CADPS: variants seen among roughly 807,000 people sequenced by gnomAD.
CADPS encodes calcium-dependent secretion activator 1.
Under a neutral mutation model 167.3 loss-of-function variants are expected in CADPS, and 57 were observed. The observed-to-expected ratio is 0.34, with a 90% CI of 0.28 to 0.42. The LOEUF is 0.42. Ranked by LOEUF, CADPS falls within the 20% of genes least tolerant of loss-of-function variation. The probability of loss-of-function intolerance (pLI) is 1.00; values close to 1 mark genes in which losing one functional copy is unlikely to be tolerated. For synonymous variants in CADPS, 676 were observed against 635.3 expected, an observed-to-expected ratio of 1.06 and a Z score of -0.96; for missense variants, 1,414 against 1,738.1, an observed-to-expected ratio of 0.81 and a Z score of 3.32.
At position 62,645,781 on chromosome 3, in the gene CADPS, T is replaced by C; in HGVS notation, c.1266A>G (p.Thr422=). The stretch of plus-strand genomic sequence containing the variant: ...GTTTCTCTCCTCCTTCCACCTCCAT[T>C]GTGCAATATACGATGCGATTTGGAG... ...SLAPNRIVYC[T]MEVEGGEKLQ... is the part of the protein sequence containing the mutation. The change falls in exon 6 of 30, where the codon ACA becomes ACG. Residue 422 remains threonine (T), a synonymous_variant. Transcript: ENST00000383710. 1 of 1,614,042 alleles carries C rather than the reference T, an allele frequency of 6.2e-7. No homozygotes were observed. The highest frequency in any genetic ancestry group is 8.5e-7 in the Non-Finnish European group (1 of 1,179,932).
At chr3:62,702,086 T>C (rs2081504576) in intron 3 of CADPS, among the ~76,000 whole-genome samples, 1 of 152,136 alleles carries the variant, frequency 6.6e-6, no homozygotes, top group South Asian at 2.1e-4. Flanking sequence ...TCAGTAATGC[T>C]ACCATATCCT....
rs189137880 is a variant in CADPS at position 62,784,787 on chromosome 3, A to T, written c.442-18803T>A. Among the ~76,000 whole-genome samples the T allele has an allele frequency of 2.2e-4, 34 of 151,936 alleles. 1 individual carries two copies. The South Asian group carries it at 6.4e-3, about 29-fold the overall frequency. ...AAAAAAAAAAAATAGGGAGAGAGAA[A>T]TTCTATAGATTAAAAGATACACAAG... On this transcript the variant is annotated intron_variant, in intron 1 of 29. Coordinates refer to ENST00000383710, the MANE Select transcript of CADPS (RefSeq NM_003716.4).
At chr3:62,473,411 T>C (rs1576508147) in intron 24 of CADPS, among the ~76,000 whole-genome samples, 1 of 152,212 alleles carries the variant, frequency 6.6e-6, no homozygotes, top group African/African-American at 2.4e-5. Context: ...TATCGAAAGA[T>C]CTGATTTAGG....
chr3:62,501,601 G>A (rs938257271), intron 17 of CADPS, among the ~76,000 whole-genome samples: 10 of 152,066 alleles, frequency 6.6e-5, no homozygotes, highest in African/African-American at 1.2e-4. Context: ...ATCCCACTTG[G>A]GGCACATCTT....
intron 3 of CADPS, among the ~76,000 whole-genome samples, chr3:62,665,405 C>T (rs1230868277): frequency 6.6e-6 from 1 of 152,122 alleles, no homozygotes; most frequent in African/African-American, 2.4e-5. Context: ...GATGTGGAAA[C>T]TGAGTCTTGG....
intron 21 of CADPS, among the ~76,000 whole-genome samples, chr3:62,483,356 G>C (rs1184796606): frequency 4.1e-5 from 5 of 121,932 alleles, no homozygotes; most frequent in Non-Finnish European, 6.8e-5. Context: ...GTTAGGGAAG[G>C]GGGAAGTTAG....
rs775573839 is a variant in CADPS at position 62,544,473 on chromosome 3, G to A, written c.1966+5430C>T. 6.6e-6 allele frequency among the ~76,000 whole-genome samples: 1 copy of A among 151,984 alleles called. No homozygotes were observed. Among genetic ancestry groups the A allele is most frequent in the East Asian group, 1.9e-4 (1 of 5,180 alleles). The stretch of plus-strand genomic sequence containing the variant: ...ACAGCACATTATCAGAGTGCAAAAT[G>A]ATCTGTTTTCAGGCATTAAGCAGTC... On this transcript the variant is annotated intron_variant, in intron 11 of 29. Coordinates refer to ENST00000383710, the MANE Select transcript of CADPS (RefSeq NM_003716.4). The surrounding 1 kb of genome is among the most constrained non-coding windows in gnomAD (Gnocchi z 4.4).
In CADPS at chr3:62,851,769, C is replaced by A. The variant is rs1373791472; in HGVS notation, c.441+22820G>T. Among the ~76,000 whole-genome samples, 5 of 149,968 alleles carry A rather than the reference C, an allele frequency of 3.3e-5. No homozygotes were observed. The South Asian group carries it at 8.7e-4, about 26-fold the overall frequency. ...TTATGTGTCTTGGAGTTGTTCTTCT[C>A]GAGGAGTATCTTTGTGGCATTCTCT... is the stretch of plus-strand genomic sequence containing the variant. On this transcript the variant is annotated intron_variant, in intron 1 of 29. Transcript: ENST00000383710.
intron 3 of CADPS, among the ~76,000 whole-genome samples, chr3:62,733,813 C>G (rs1468503429): frequency 1.3e-5 from 2 of 152,076 alleles, no homozygotes; most frequent in African/African-American, 4.8e-5. Flanking sequence ...ACGCGATACC[C>G]AATATGTAGT....
At chr3:62,656,372 T>G (rs1266444328) in intron 4 of CADPS, among the ~76,000 whole-genome samples, 1 of 152,194 alleles carries the variant, frequency 6.6e-6, no homozygotes, top group African/African-American at 2.4e-5. Flanking sequence ...AACAACCCAC[T>G]GATGCACATG....
intron 28 of CADPS, chr3:62,403,393 A>G: frequency 2.6e-6 from 1 of 383,352 alleles, no homozygotes. Flanking sequence ...AAGACAGACA[A>G]TCTAAGACAG....
At chr3:62,585,434 G>C (rs577364391) in intron 7 of CADPS, 110 bp from the exon 8 acceptor site, 3 of 1,105,364 alleles carry the variant, frequency 2.7e-6, no homozygotes, top group African/African-American at 3.2e-5. Context: ...TCCCACTGTG[G>C]AGCAGCCATA....
At chr3:62,617,680 A>G (rs1284591004) in intron 6 of CADPS, among the ~76,000 whole-genome samples, 1 of 152,256 alleles carries the variant, frequency 6.6e-6, no homozygotes, top group East Asian at 1.9e-4. Context: ...AAGGCTGTTC[A>G]GTATCCCTGT....
At chr3:62,583,714 C>T (rs2083956167) in intron 8 of CADPS, among the ~76,000 whole-genome samples, 1 of 152,102 alleles carries the variant, frequency 6.6e-6, no homozygotes, top group South Asian at 2.1e-4. Flanking sequence ...CTCTGGAACC[C>T]TTCATACCTG....
At chr3:62,625,636 A>T (rs531246329) in intron 6 of CADPS, 12 of 150,928 alleles carry the variant, frequency 8.0e-5, no homozygotes, top group Non-Finnish European at 1.8e-4. Flanking sequence ...TCCTCCTTTT[A>T]TACCTCCTTT....
intron 10 of CADPS, among the ~76,000 whole-genome samples, chr3:62,551,838 C>T (rs1015541474): frequency 6.6e-6 from 1 of 152,144 alleles, no homozygotes; most frequent in East Asian, 1.9e-4. Flanking sequence ...ACACTCTTAT[C>T]TCCTTTGTAT....
chr3:62,732,721 G>C (rs924905548), intron 3 of CADPS, among the ~76,000 whole-genome samples: 2 of 152,206 alleles, frequency 1.3e-5, no homozygotes, highest in African/African-American at 4.8e-5. Context: ...TAAACTCATA[G>C]AGGGAATGCT....
At chr3:62,784,284 G>A (rs1321903164) in intron 1 of CADPS, among the ~76,000 whole-genome samples, 1 of 152,096 alleles carries the variant, frequency 6.6e-6, no homozygotes, top group Non-Finnish European at 1.5e-5. Flanking sequence ...ACCTTCCAAG[G>A]ATGTTAAGGT....
At chr3:62,491,567 A>ACACT in intron 20 of CADPS, 87 bp from the exon 21 acceptor site, 1 of 945,064 alleles carries the variant, frequency 1.1e-6, no homozygotes. Context: ...AAACACACAC[A>ACACT]CACACACACA....
Sources: gnomAD v4.1 joint callset for allele counts (sites outside exome capture counted in the v4.1 genomes callset) on GRCh38, gnomAD v4.1.1 for gene constraint, Gnocchi (gnomAD v3.1) non-coding constraint, MANE v1.5 for transcripts, NCBI Gene and HGNC (gene_info 2026-07-23, HGNC 2026-07-21) for gene names.